MTCL1: variants seen among roughly 807,000 people sequenced by gnomAD.
The protein encoded by MTCL1 is microtubule crosslinking factor 1, also known as microtubule cross-linking factor 1.
In MTCL1, 79 loss-of-function variants were observed where a neutral mutation model predicts 141.4. The ratio of observed to expected loss-of-function variants is 0.56; its 90% CI spans 0.47 to 0.67. The LOEUF (loss-of-function observed/expected upper bound fraction) is 0.67. Ranked by LOEUF, MTCL1 falls within the 30% of genes least tolerant of loss-of-function variation. The probability of loss-of-function intolerance (pLI) is 0.00; values close to 1 mark genes in which losing one functional copy is unlikely to be tolerated. For missense variants in MTCL1, 2,177 were observed against 2,113.9 expected (o/e 1.03, Z -0.59); for synonymous variants, 914 against 875.8 (o/e 1.04, Z -0.77).
intron 15 of MTCL1, among the ~76,000 whole-genome samples, chr18:8,827,435 A>G (rs529898811): frequency 2.6e-5 from 4 of 152,272 alleles, no homozygotes. Flanking sequence ...TGGCAATTCC[A>G]TATGGTTCAC....
At chr18:8,796,290 C>G (rs1209426368) in exon 9 of MTCL1, 1 of 1,614,176 alleles carries the variant, frequency 6.2e-7, no homozygotes, top group Non-Finnish European at 8.5e-7. Context: ...CACAGCCTGG[C>G]TTTGCAAAAC....
chr18:8,706,206 G>T lies in MTCL1; in HGVS notation c.546G>T (p.Arg182=). The change falls in exon 1 of 14, where the codon CGG becomes CGT. Residue 182 remains arginine, a synonymous_variant. Coordinates refer to the MTCL1 transcript ENST00000306329. Reference sequence around the variant, plus strand: ...TCGGCCCCCCGACCCCGGCCGCCCGGATCCCTGCCGTGACCCTCGCGGTGA... The same window carrying T: ...TCGGCCCCCCGACCCCGGCCGCCCGTATCCCTGCCGTGACCCTCGCGGTGA... 3 of 1,226,792 alleles carry T rather than the reference G, an allele frequency of 2.4e-6. No homozygotes were observed. The East Asian group carries it at 9.6e-5, about 39-fold the overall frequency. 76.0% of individuals were successfully genotyped at this position (1,226,792 alleles called of 1,614,324 possible). A position where few individuals can be genotyped will look rare whatever the true frequency, so the allele number is the denominator to read the frequency against.
intron 9 of MTCL1, 68 bp downstream of exon 8, chr18:8,796,530 C>T (rs2075926735): frequency 2.1e-6 from 3 of 1,420,064 alleles, no homozygotes; most frequent in Non-Finnish European, 3.0e-6. Flanking sequence ...CTGCTTTCTC[C>T]TCACCCACCC....
At position 8,780,078 on chromosome 18, in the gene MTCL1, G is replaced by A. The variant is rs143751772; in HGVS notation, c.417+2186G>A. Among the ~76,000 whole-genome samples the A allele has an allele frequency of 2.0e-5, 3 of 152,268 alleles. No individual in the cohort carries two copies. The East Asian group carries it at 5.8e-4, about 29-fold the overall frequency. On this transcript the variant is annotated intron_variant, in intron 5 of 16. Coordinates refer to ENST00000359865, the Ensembl canonical transcript of MTCL1. ...CAGATAAGCACGTATAACCTCCAGCGTGTTTCAGGACCCTTCAGAGATCTT... is the reference window on the plus strand; with the variant it reads ...CAGATAAGCACGTATAACCTCCAGCATGTTTCAGGACCCTTCAGAGATCTT...
intron 4 of MTCL1, among the ~76,000 whole-genome samples, chr18:8,770,141 C>G (rs986362044): frequency 6.6e-6 from 1 of 152,190 alleles, no homozygotes; most frequent in Non-Finnish European, 1.5e-5. Flanking sequence ...AGGGCTGTGA[C>G]CTTGAATGTA....
At chr18:8,724,270 G>A (rs2096192998) in intron 4 of MTCL1, among the ~76,000 whole-genome samples, 1 of 152,032 alleles carries the variant, frequency 6.6e-6, no homozygotes, top group Non-Finnish European at 1.5e-5. Context: ...AATTAGCCAG[G>A]CGTGGTGGCG....
chr18:8,758,315 G>A (rs537972341), intron 4 of MTCL1, among the ~76,000 whole-genome samples: 1 of 152,090 alleles, frequency 6.6e-6, no homozygotes, highest in Non-Finnish European at 1.5e-5. Context: ...AAGCCACCAC[G>A]CCTGGCCACA....
intron 16 of MTCL1, chr18:8,831,327 C>T: frequency 7.9e-7 from 1 of 1,259,054 alleles, no homozygotes. Context: ...CTGTATACCC[C>T]AGCCCAATTC....
intron 12 of MTCL1, among the ~76,000 whole-genome samples, chr18:8,817,270 T>A (rs1029341048): frequency 1.3e-5 from 2 of 150,794 alleles, no homozygotes; most frequent in African/African-American, 4.9e-5. Context: ...TTTTTTTTTT[T>A]TTTAAAGAAA....
chr18:8,786,118 C>CCCCCCA, intron 7 of MTCL1, 27 bp downstream of exon 6: 7 of 1,400,604 alleles, frequency 5.0e-6, no homozygotes, highest in South Asian at 1.3e-5. Flanking sequence ...AATCCCCCCC[C>CCCCCCA]CCCGCCCTCC....
chr18:8,752,966 G>A (rs1294144914), intron 4 of MTCL1, among the ~76,000 whole-genome samples: 1 of 152,148 alleles, frequency 6.6e-6, no homozygotes, highest in East Asian at 1.9e-4. Context: ...AGACGTCGCC[G>A]TATCGAACAT....
intron 4 of MTCL1, among the ~76,000 whole-genome samples, chr18:8,720,728 T>C (rs1256885178): frequency 6.6e-6 from 1 of 152,250 alleles, no homozygotes; most frequent in Non-Finnish European, 1.5e-5. Context: ...AGACTATGGA[T>C]TCAATACTGT....
chr18:8,814,461 G>C (rs7243361), intron 12 of MTCL1, among the ~76,000 whole-genome samples: 53,037 of 152,142 alleles, frequency 0.35, 9,352 homozygotes, highest in Admixed American at 0.36. Flanking sequence ...ATCCTATCAA[G>C]AGGAATGCTG....
chr18:8,706,740 C>T (rs2096059852), intron 1 of MTCL1, 27 bp downstream of exon 1: 1 of 1,542,442 alleles, frequency 6.5e-7, no homozygotes, highest in Non-Finnish European at 8.7e-7. Flanking sequence ...CCGCAGGTGT[C>T]CCGGGGCGCC....
chr18:8,790,205 G>A (rs2075672417), intron 7 of MTCL1, among the ~76,000 whole-genome samples: 1 of 152,170 alleles, frequency 6.6e-6, no homozygotes, highest in Admixed American at 6.5e-5. Context: ...CAATGACACT[G>A]AAGTATGAGC....
rs368078708 is a variant in MTCL1 at position 8,785,922 on chromosome 18, C to T, written c.1732-14C>T. ...AAGAACAACAACAACAAATTCCTCC[C>T]GTGCACCTAACAGTCCAGACTGAAA... On this transcript the variant is annotated splice_polypyrimidine_tract_variant and intron_variant, in intron 6 of 16. Transcript: ENST00000359865. The T allele has an allele frequency of 9.6e-6, 15 of 1,567,464 alleles. No individual in the cohort carries two copies. The highest frequency in any genetic ancestry group is 2.3e-5 in the East Asian group (1 of 44,276).
chr18:8,739,866 G>C (rs2096292931), intron 4 of MTCL1, among the ~76,000 whole-genome samples: 1 of 152,130 alleles, frequency 6.6e-6, no homozygotes. Flanking sequence ...CGAGTAGCTG[G>C]GACTAAAGGC....
intron 10 of MTCL1, among the ~76,000 whole-genome samples, chr18:8,799,877 A>C (rs1052862334): frequency 1.3e-5 from 2 of 152,166 alleles, no homozygotes; most frequent in Non-Finnish European, 2.9e-5. Context: ...TTTTATTGTC[A>C]TTTCCCTTTG....
At chr18:8,815,054 G>T (rs2076605997) in intron 12 of MTCL1, among the ~76,000 whole-genome samples, 1 of 152,132 alleles carries the variant, frequency 6.6e-6, no homozygotes. Flanking sequence ...CATTGTGGAA[G>T]TCAGTGTGGC....
Sources: allele counts gnomAD v4.1 joint callset (sites outside exome capture counted in the v4.1 genomes callset), GRCh38; gene constraint gnomAD v4.1.1; transcripts MANE v1.5; gene names NCBI Gene and HGNC (gene_info 2026-07-23, HGNC 2026-07-21).